The following ETS2 variants were observed in gnomAD, a reference collection of about 807,000 sequenced individuals.
The protein encoded by ETS2 is protein C-ets-2.
A neutral mutation model predicts 54.9 loss-of-function variants in ETS2; 19 were observed. The observed-to-expected ratio is 0.35, with a 90% confidence interval of 0.24 to 0.51. The LOEUF (loss-of-function observed/expected upper bound fraction) is 0.51, where lower values mean the gene tolerates loss of function less well. Among genes scored for constraint, ETS2 ranks in the 20% least tolerant of loss-of-function variants. The pLI, the probability that ETS2 is intolerant of heterozygous loss-of-function variation, is 0.97. For synonymous variants in ETS2, 219 were observed against 229.3 expected (o/e 0.95, Z 0.41); for missense variants, 417 against 593.0 (o/e 0.70, Z 3.08).
upstream of ETS2, chr21:38,805,656 G>A (rs1569019332): frequency 1.7e-6 from 2 of 1,198,158 alleles, no homozygotes; most frequent in African/African-American, 1.6e-5. The surrounding 1 kb of genome is among the most constrained non-coding windows in gnomAD (Gnocchi z 5.2). Context: ...GCGCTCCCTC[G>A]CCGCCTCCGC....
Position 38,813,063 on chromosome 21 carries a change from G to A in ETS2, c.133G>A (p.Glu45Lys). 2 of 1,614,098 alleles carry A rather than the reference G, an allele frequency of 1.2e-6. No homozygotes were observed. The highest frequency in any genetic ancestry group is 1.7e-6 in the Non-Finnish European group (2 of 1,179,962). Residue 45 changes from glutamate to lysine, a missense_variant, in exon 3 of 10, where the codon GAA becomes AAA. Coordinates refer to ENST00000360938, the MANE Select transcript of ETS2 (RefSeq NM_005239.6). Reference protein sequence around the residue: ...SLFAVFPSLNEEQTLQEVPTG... With the variant: ...SLFAVFPSLNKEQTLQEVPTG... ...GTTTGCTGTTTTTCCTTCTCTAAAT[G>A]AAGAGCAAACACTGCAAGAAGTGCC...
chr21:38,810,727 T>A (rs549900369), intron 2 of ETS2, among the ~76,000 whole-genome samples: 2 of 152,362 alleles, frequency 1.3e-5, no homozygotes, highest in Non-Finnish European at 2.9e-5. Context: ...CTTCTCCAAA[T>A]ATGACAGCAA....
chr21:38,818,283 C>A, intron 6 of ETS2, 142 bp from the exon 7 acceptor site: 1 of 1,070,342 alleles, frequency 9.3e-7, no homozygotes, highest in Non-Finnish European at 1.4e-6. Flanking sequence ...TGGTGACAGA[C>A]CCCCACCAAA....
rs1268107434 is a variant in ETS2, at chr21:38,821,860, A to C, written c.1194+156A>C. On this transcript the variant is annotated intron_variant, in intron 9 of 9. Transcript: ENST00000360938. The surrounding 1 kb of genome is among the most constrained non-coding windows in gnomAD (Gnocchi z 4.2). ...TTGGCTGTTGGGAAAATGGAAGTGG[A>C]GTCATTGCTTTGTTGATAAACGTGT... is the stretch of plus-strand genomic sequence containing the variant. Among the ~76,000 whole-genome samples, 1 of 152,164 alleles carries C rather than the reference A, an allele frequency of 6.6e-6. No individual in the cohort carries two copies. Among genetic ancestry groups the C allele is most frequent in the South Asian group, 2.1e-4 (1 of 4,830 alleles).
At chr21:38,809,690 G>T in intron 1 of ETS2, 1 of 239,960 alleles carries the variant, frequency 4.2e-6, no homozygotes, top group Non-Finnish European at 8.0e-6. Flanking sequence ...CCATGGAAAT[G>T]TGAATGAAAA....
chr21:38,815,105 T>C (rs2060928010), intron 5 of ETS2, 124 bp downstream of exon 5: 1 of 807,566 alleles, frequency 1.2e-6, no homozygotes, highest in Admixed American at 2.2e-5. Flanking sequence ...TAGAGTACCT[T>C]GCCTCAAAAT....
rs1258659508 is a variant in ETS2, at chr21:38,823,130, G to A, written c.*241G>A. 5.4e-6 allele frequency: 2 copies of A among 372,936 alleles called. No homozygotes were observed. Among genetic ancestry groups the A allele is most frequent in the Non-Finnish European group, 9.6e-6 (2 of 208,990 alleles). The allele number at this position is 372,936 out of a possible 1,614,324, so 23.1% of individuals were successfully genotyped here. A position where few individuals can be genotyped will look rare whatever the true frequency, so the allele number is the denominator to read the frequency against. Reference sequence around the variant, plus strand: ...TTAAGTGAAAATGGTCGAGAAAGAGGCACCAGGAAGCCGTCCTGGCGCCTG... The same window carrying A: ...TTAAGTGAAAATGGTCGAGAAAGAGACACCAGGAAGCCGTCCTGGCGCCTG... On this transcript the variant is annotated 3_prime_UTR_variant, in exon 10 of 10. Transcript: ENST00000360938.
At position 38,813,130 on chromosome 21, in the gene ETS2, G is replaced by A; in HGVS notation, c.184+16G>A. ...ATTTCTCATGGTAATTGGTTCCTCA[G>A]ACTTGACAAATTGTGCATGATTTTC... is the stretch of plus-strand genomic sequence containing the variant. On this transcript the variant is annotated intron_variant, in intron 3 of 9. Transcript: ENST00000360938. 6.7e-7 allele frequency: 1 copy of A among 1,499,160 alleles called. No individual in the cohort carries two copies. The highest frequency in any genetic ancestry group is 2.3e-5 in the East Asian group (1 of 44,332). 92.9% of individuals were successfully genotyped at this position (1,499,160 alleles called of 1,614,324 possible).
At chr21:38,819,388 G>A in intron 7 of ETS2, 115 bp from the exon 8 acceptor site, 3 of 916,248 alleles carry the variant, frequency 3.3e-6, no homozygotes, top group Non-Finnish European at 3.5e-6. Context: ...AGTCTGAGTG[G>A]TTCTACACCA....
Position 38,822,947 on chromosome 21 carries a change from C to A in ETS2, c.*58C>A. The A allele has an allele frequency of 7.5e-7, 1 of 1,339,520 alleles. No homozygotes were observed. Among genetic ancestry groups the A allele is most frequent in the Non-Finnish European group, 1.0e-6 (1 of 997,614 alleles). The allele number at this position is 1,339,520 out of a possible 1,614,324, so 83.0% of individuals were successfully genotyped here. On this transcript the variant is annotated 3_prime_UTR_variant, in exon 10 of 10. Transcript: ENST00000360938. ...CTCGTGGACTGAGTGGGAAGCCCATCCTGACCAGCTGCTCCGAGGACCCAG... is the reference window on the plus strand; with the variant it reads ...CTCGTGGACTGAGTGGGAAGCCCATACTGACCAGCTGCTCCGAGGACCCAG...
intron 2 of ETS2, 49 bp from the exon 3 acceptor site, chr21:38,812,954 A>C: frequency 1.5e-6 from 2 of 1,291,648 alleles, no homozygotes; most frequent in Non-Finnish European, 2.3e-6. Context: ...CAGGTAATTC[A>C]ATCAGTTTAA....
chr21:38,810,514 C>T (rs2060910037), intron 2 of ETS2, among the ~76,000 whole-genome samples: 1 of 152,230 alleles, frequency 6.6e-6, no homozygotes, highest in Non-Finnish European at 1.5e-5. Flanking sequence ...ACCGCTACAG[C>T]TCCTATCAGA....
In ETS2 at chr21:38,814,402, G is replaced by A. The variant is rs755308551; in HGVS notation, c.304+10G>A. The A allele has an allele frequency of 5.0e-6, 8 of 1,613,750 alleles. No homozygotes were observed. In the East Asian group the frequency reaches 1.6e-4, roughly 31 times the overall value. On this transcript the variant is annotated intron_variant, in intron 4 of 9. Transcript: ENST00000360938. The surrounding 1 kb of genome is among the most constrained non-coding windows in gnomAD (Gnocchi z 4.2). ...CTGGGCATTCCAAAGAGTAAGTACT[G>A]CTTTCCTGAGCCTGCACTGGGTGAG...
upstream of ETS2, chr21:38,805,807 TC>T (rs2123401089): frequency 1.5e-6 from 1 of 651,138 alleles, no homozygotes; most frequent in Non-Finnish European, 2.1e-6. The surrounding 1 kb of genome is among the most constrained non-coding windows in gnomAD (Gnocchi z 5.2). Context: ...TCCCCTTCCC[TC>T]CCCTCTCTCT....
chr21:38,817,783 C>T (rs1361284429), intron 6 of ETS2, among the ~76,000 whole-genome samples: 3 of 152,072 alleles, frequency 2.0e-5, no homozygotes, highest in Non-Finnish European at 4.4e-5. Flanking sequence ...GGTGTTGGTC[C>T]GGCCCAGTGT....
At position 38,823,050 on chromosome 21, in the gene ETS2, C is replaced by A. The variant is rs759548162; in HGVS notation, c.*161C>A. 55 of 494,302 alleles carry A rather than the reference C, an allele frequency of 1.1e-4. No individual in the cohort carries two copies. Among genetic ancestry groups the A allele is most frequent in the Non-Finnish European group, 1.7e-4 (50 of 289,740 alleles). 30.6% of individuals were successfully genotyped at this position (494,302 alleles called of 1,614,324 possible). On this transcript the variant is annotated 3_prime_UTR_variant, in exon 10 of 10. Transcript: ENST00000360938. Reference sequence around the variant, plus strand: ...TTGCATCCCAAACCACGCCTCTTGACCAGGCTGCCTCCCTTGTGGCAGCAA... The same window carrying A: ...TTGCATCCCAAACCACGCCTCTTGAACAGGCTGCCTCCCTTGTGGCAGCAA...
At position 38,821,809 on chromosome 21, in the gene ETS2, T is replaced by C; in HGVS notation, c.1194+105T>C. The C allele has an allele frequency of 1.3e-6, 1 of 769,834 alleles. No homozygotes were observed. The highest frequency in any genetic ancestry group is 1.6e-5 in the South Asian group (1 of 63,710). 47.7% of individuals were successfully genotyped at this position (769,834 alleles called of 1,614,324 possible). ...ACAAAAAAGGGTTCACCAGTACTGC[T>C]GAGAATCTTTCCACGTGAGGCATCC... On this transcript the variant is annotated intron_variant, in intron 9 of 9. Transcript: ENST00000360938. The surrounding 1 kb of genome is among the most constrained non-coding windows in gnomAD (Gnocchi z 4.2).
chr21:38,816,958 T>C (rs767219668), intron 5 of ETS2, 50 bp from the exon 6 acceptor site: 1 of 956,260 alleles, frequency 1.0e-6, no homozygotes, highest in Non-Finnish European at 1.7e-6. Flanking sequence ...TTGTTCTGTG[T>C]AGTTTTCACC....
At position 38,821,054 on chromosome 21, in the gene ETS2, C is replaced by G. The variant is rs775042220; in HGVS notation, c.1076-532C>G. The stretch of plus-strand genomic sequence containing the variant: ...CTGTGAGGCAACGGGTGTGACCCCG[C>G]GTGGCTATTGAGTAAACCGGGCTCA... On this transcript the variant is annotated intron_variant, in intron 8 of 9. Transcript: ENST00000360938. This position sits in a 1 kb window ranked among gnomAD's most constrained non-coding sequence, Gnocchi z 4.2. Among the ~76,000 whole-genome samples, 6 of 152,194 alleles carry G rather than the reference C, an allele frequency of 3.9e-5. No individual in the cohort carries two copies. Among genetic ancestry groups the G allele is most frequent in the African/African-American group, 1.4e-4 (6 of 41,448 alleles).
Sources: allele counts gnomAD v4.1 joint callset (sites outside exome capture counted in the v4.1 genomes callset), GRCh38; gene constraint gnomAD v4.1.1; non-coding constraint Gnocchi (gnomAD v3.1); transcripts MANE v1.5; gene names NCBI Gene and HGNC (gene_info 2026-07-23, HGNC 2026-07-21).